Variants in MAN1C1 observed in about 807,000 individuals in gnomAD.
MAN1C1 encodes mannosyl-oligosaccharide 1,2-alpha-mannosidase IC.
Under a neutral mutation model 71.5 loss-of-function variants are expected in MAN1C1, and 49 were observed. That is an observed-to-expected ratio of 0.69 (90% confidence interval 0.54 to 0.87). The LOEUF (loss-of-function observed/expected upper bound fraction) is 0.87, where lower values mean the gene tolerates loss of function less well. Ranked by LOEUF, MAN1C1 falls within the 40% of genes least tolerant of loss-of-function variation. The pLI, the probability that MAN1C1 is intolerant of heterozygous loss-of-function variation, is 0.00. For missense variants in MAN1C1, 743 were observed against 835.0 expected (o/e 0.89, Z 1.36); for synonymous variants, 352 against 343.7 (o/e 1.02, Z -0.27).
In MAN1C1 at chr1:25,746,935, G is replaced by A; in HGVS notation, c.753+152G>A. ...GTCTCGGAACCGGAGCTGCCGTGCA[G>A]TCTGTGCTGAGTCCCTTCCTTAAGA... On this transcript the variant is annotated intron_variant, in intron 3 of 11. Transcript: ENST00000374332. The surrounding 1 kb of genome is among the most constrained non-coding windows in gnomAD (Gnocchi z 4.0). 1 of 623,820 alleles carries A rather than the reference G, an allele frequency of 1.6e-6. No individual in the cohort carries two copies. Among genetic ancestry groups the A allele is most frequent in the East Asian group, 2.7e-5 (1 of 36,374 alleles). 38.6% of individuals were successfully genotyped at this position (623,820 alleles called of 1,614,324 possible). A position where few individuals can be genotyped will look rare whatever the true frequency, so the allele number is the denominator to read the frequency against.
chr1:25,670,748 C>G (rs933170536), intron 1 of MAN1C1, among the ~76,000 whole-genome samples: 2 of 152,220 alleles, frequency 1.3e-5, no homozygotes, highest in African/African-American at 4.8e-5. Context: ...CACCTGCCAG[C>G]TACAGAGCCC....
chr1:25,768,080 C>CT lies in MAN1C1; in HGVS notation c.1142-3577_1142-3576insT, dbSNP rs2047474052. On this transcript the variant is annotated intron_variant, in intron 7 of 11. Transcript: ENST00000374332. ...CCCCTCACACACACACACACTCCCC[C>CT]CCACACACAGACCCACACACCCCTC... Among the ~76,000 whole-genome samples the CT allele has an allele frequency of 3.7e-5, 3 of 81,218 alleles. 1 individual carries two copies. Among genetic ancestry groups the CT allele is most frequent in the Non-Finnish European group, 6.8e-5 (3 of 43,812 alleles). The allele number at this position is 81,218 out of a possible 152,430, so 53.3% of individuals were successfully genotyped here. A position where few individuals can be genotyped will look rare whatever the true frequency, so the allele number is the denominator to read the frequency against.
intron 1 of MAN1C1, among the ~76,000 whole-genome samples, chr1:25,630,835 A>G (rs2124753266): frequency 6.6e-6 from 1 of 152,342 alleles, no homozygotes. Context: ...TTCTAGGTAT[A>G]CAGTCATATC....
At chr1:25,684,994 C>T (rs1421669741) in intron 1 of MAN1C1, among the ~76,000 whole-genome samples, 2 of 152,166 alleles carry the variant, frequency 1.3e-5, no homozygotes, top group Admixed American at 6.5e-5. Flanking sequence ...TTTAACAAGC[C>T]CCCCAGTGAT....
At chr1:25,694,227 C>T (rs773774524) in intron 2 of MAN1C1, among the ~76,000 whole-genome samples, 1 of 152,090 alleles carries the variant, frequency 6.6e-6, no homozygotes, top group African/African-American at 2.4e-5. Flanking sequence ...GAGTACACTC[C>T]GAATCAGCAG....
intron 1 of MAN1C1, among the ~76,000 whole-genome samples, chr1:25,648,035 G>A (rs551746407): frequency 2.2e-4 from 33 of 152,326 alleles, no homozygotes; most frequent in Non-Finnish European, 3.1e-4. Flanking sequence ...AAGTAGTGTC[G>A]GCTGGGCACT....
chr1:25,640,994 G>A (rs1258866762), intron 1 of MAN1C1, among the ~76,000 whole-genome samples: 3 of 152,148 alleles, frequency 2.0e-5, no homozygotes, highest in Non-Finnish European at 2.9e-5. Flanking sequence ...TAATAGGAGC[G>A]GGATTCAGGT....
chr1:25,738,029 T>C (rs1394066762), intron 2 of MAN1C1, among the ~76,000 whole-genome samples: 4 of 151,740 alleles, frequency 2.6e-5, no homozygotes, highest in Non-Finnish European at 5.9e-5. Flanking sequence ...GAGGCAGGGG[T>C]GAGGTTGAGG....
chr1:25,647,742 G>T (rs1238667958), intron 1 of MAN1C1, among the ~76,000 whole-genome samples: 1 of 152,164 alleles, frequency 6.6e-6, no homozygotes, highest in African/African-American at 2.4e-5. Context: ...GTCTGGTTTG[G>T]GTGGGGAAGA....
chr1:25,703,682 A>T (rs2046477902), intron 2 of MAN1C1, among the ~76,000 whole-genome samples: 1 of 151,916 alleles, frequency 6.6e-6, no homozygotes, highest in African/African-American at 2.4e-5. Context: ...ACTCTGTCTA[A>T]AAAAAAAGAA....
chr1:25,646,888 A>C (rs1225631836), intron 1 of MAN1C1, among the ~76,000 whole-genome samples: 1 of 152,124 alleles, frequency 6.6e-6, no homozygotes, highest in Non-Finnish European at 1.5e-5. Flanking sequence ...ATTTGTGTAC[A>C]TGGTTTTGGG....
At chr1:25,722,561 CA>C in intron 2 of MAN1C1, among the ~76,000 whole-genome samples, 1 of 152,302 alleles carries the variant, frequency 6.6e-6, no homozygotes, top group East Asian at 1.9e-4. Flanking sequence ...CCAAGAGCTC[CA>C]TTTTATTTTG....
intron 1 of MAN1C1, among the ~76,000 whole-genome samples, chr1:25,633,805 CATTT>C (rs1419886331): frequency 5.3e-5 from 8 of 152,026 alleles, no homozygotes; most frequent in Non-Finnish European, 1.2e-4. Context: ...GGTGCTGTTC[CATTT>C]ATCATGTTAA....
chr1:25,737,146 A>G (rs1557785567), intron 2 of MAN1C1, among the ~76,000 whole-genome samples: 1 of 152,270 alleles, frequency 6.6e-6, no homozygotes, highest in Non-Finnish European at 1.5e-5. Context: ...CAGATCAGAC[A>G]GCACCCTCAG....
chr1:25,719,747 T>A (rs1284521973), intron 2 of MAN1C1, among the ~76,000 whole-genome samples: 1 of 152,048 alleles, frequency 6.6e-6, no homozygotes, highest in African/African-American at 2.4e-5. Flanking sequence ...ATTATTGCCA[T>A]TCTAGTGGGT....
At chr1:25,736,764 C>T (rs1198515616) in intron 2 of MAN1C1, among the ~76,000 whole-genome samples, 1 of 152,160 alleles carries the variant, frequency 6.6e-6, no homozygotes, top group Non-Finnish European at 1.5e-5. Context: ...CGGGCTCAAG[C>T]GATCCACCTA....
At chr1:25,744,595 T>C (rs990559282) in intron 2 of MAN1C1, among the ~76,000 whole-genome samples, 1 of 152,108 alleles carries the variant, frequency 6.6e-6, no homozygotes, top group African/African-American at 2.4e-5. Context: ...ATAGATTCTT[T>C]GACCTCCAGC....
intron 3 of MAN1C1, among the ~76,000 whole-genome samples, chr1:25,747,119 A>G (rs1175140512): frequency 6.6e-6 from 1 of 152,108 alleles, no homozygotes; most frequent in Non-Finnish European, 1.5e-5. Context: ...TATCACACAC[A>G]GCAGCTGCAG....
chr1:25,764,042 C>G lies in MAN1C1; in HGVS notation c.1141+75C>G, dbSNP rs2047396477. 2 of 1,268,116 alleles carry G rather than the reference C, an allele frequency of 1.6e-6. No homozygotes were observed. The highest frequency in any genetic ancestry group is 1.7e-5 in the Admixed American group (1 of 57,796). 78.6% of individuals were successfully genotyped at this position (1,268,116 alleles called of 1,614,324 possible). ...CTTCCTAGGAAGACCCTGCCAGGCC[C>G]CTGGGCTGAGTGAGGATGTGTCTGT... On this transcript the variant is annotated intron_variant, in intron 7 of 11. Coordinates refer to ENST00000374332, the MANE Select transcript of MAN1C1 (RefSeq NM_020379.4). The surrounding 1 kb of genome is among the most constrained non-coding windows in gnomAD (Gnocchi z 4.4).
Sources: allele counts gnomAD v4.1 joint callset (sites outside exome capture counted in the v4.1 genomes callset), GRCh38; gene constraint gnomAD v4.1.1; non-coding constraint Gnocchi (gnomAD v3.1); transcripts MANE v1.5; gene names NCBI Gene and HGNC (gene_info 2026-07-23, HGNC 2026-07-21).